ZC4H2: variants seen among roughly 807,000 people sequenced by gnomAD.
The protein encoded by ZC4H2 is zinc finger C4H2-type containing, also known as zinc finger C4H2 domain-containing protein.
For synonymous variants in ZC4H2, 84 were observed against 66.3 expected (o/e 1.27, Z -1.30); for missense variants, 137 against 173.9 (o/e 0.79, Z 1.19).
chrX:64,982,578 T>C lies in ZC4H2; in HGVS notation c.-272+52051A>G, dbSNP rs535335058. Among the ~76,000 whole-genome samples the C allele has an allele frequency of 2.8e-4, 31 of 112,244 alleles. No homozygotes were observed. In the Middle Eastern group the frequency reaches 0.019, roughly 67 times the overall value. On this transcript the variant is annotated intron_variant, in intron 1 of 4. Transcript: ENST00000337990. ...ACAGGAGAGAAGCATGAAAAAACTA[T>C]AAATAAGTTGTCTTGATTTAGGCTT...
At chrX:64,953,968 C>T (rs994432329) in intron 1 of ZC4H2, among the ~76,000 whole-genome samples, 4 of 110,531 alleles carry the variant, frequency 3.6e-5, no homozygotes, top group Middle Eastern at 4.6e-3. Flanking sequence ...CATATATACA[C>T]CGTGGAATAC....
chrX:64,920,064 G>A lies in ZC4H2; in HGVS notation c.398+17C>T, dbSNP rs766799579. 4.5e-5 allele frequency: 54 copies of A among 1,205,481 alleles called. No homozygotes were observed. Among genetic ancestry groups the A allele is most frequent in the Non-Finnish European group, 5.8e-5 (52 of 892,513 alleles). ...GGAGGGAGGGTATGTTGTAGGGACT[G>A]GGGGCAGGTAGCTTACTCCAAGGAA... On this transcript the variant is annotated intron_variant, in intron 3 of 4. Transcript: ENST00000374839.
chrX:64,925,001 T>C (rs1929368288), intron 1 of ZC4H2, among the ~76,000 whole-genome samples: 1 of 111,390 alleles, frequency 9.0e-6, no homozygotes, highest in Admixed American at 9.6e-5. Context: ...AACACAGGAA[T>C]AATAATAGCA....
intron 1 of ZC4H2, among the ~76,000 whole-genome samples, chrX:64,944,187 C>T (rs1219113809): frequency 2.1e-5 from 2 of 97,118 alleles, no homozygotes; most frequent in Non-Finnish European, 4.0e-5. Flanking sequence ...GTTGCCCAGG[C>T]TGGAGTGCAG....
intron 1 of ZC4H2, among the ~76,000 whole-genome samples, chrX:64,944,287 C>A (rs772110012): frequency 1.8e-5 from 2 of 108,632 alleles, no homozygotes; most frequent in African/African-American, 3.4e-5. Context: ...ACTACAGGTG[C>A]CTGCCACCAT....
chrX:64,974,246 A>T (rs1284219135), intron 1 of ZC4H2, among the ~76,000 whole-genome samples: 1 of 111,955 alleles, frequency 8.9e-6, no homozygotes, highest in African/African-American at 3.2e-5. Flanking sequence ...CAGTTCTAAA[A>T]ATGTCACTTT....
chrX:64,976,608 C>G (rs774363131), upstream of ZC4H2: 69 of 423,111 alleles, frequency 1.6e-4, no homozygotes, highest in South Asian at 1.4e-3. Flanking sequence ...GTTTCCCTTC[C>G]TGCAGCCGCA....
intron 1 of ZC4H2, among the ~76,000 whole-genome samples, chrX:64,946,130 G>GA (rs1453245518): frequency 4.6e-5 from 5 of 108,685 alleles, no homozygotes; most frequent in South Asian, 4.0e-4. Context: ...TGGCGTGTGG[G>GA]AAAAAAAACC....
chrX:65,006,250 G>A (rs192212395), intron 1 of ZC4H2, among the ~76,000 whole-genome samples: 225 of 111,279 alleles, frequency 2.0e-3, no homozygotes, highest in African/African-American at 6.8e-3. Context: ...CTATAAAGAC[G>A]CATGCACACG....
At chrX:64,964,878 G>A (rs1931531458) in intron 1 of ZC4H2, among the ~76,000 whole-genome samples, 2 of 111,692 alleles carry the variant, frequency 1.8e-5, no homozygotes, top group Admixed American at 9.5e-5. Flanking sequence ...AGTGTTGTAT[G>A]TTTCTTACAT....
intron 1 of ZC4H2, among the ~76,000 whole-genome samples, chrX:64,963,100 G>GA (rs1013267675): frequency 2.7e-5 from 3 of 110,937 alleles, no homozygotes; most frequent in African/African-American, 6.5e-5. Flanking sequence ...GAGGCCATGG[G>GA]AAAAAACAGA....
chrX:65,010,802 T>C (rs1427171497), intron 1 of ZC4H2, among the ~76,000 whole-genome samples: 1 of 112,314 alleles, frequency 8.9e-6, no homozygotes, highest in Non-Finnish European at 1.9e-5. Flanking sequence ...TAAAACATAA[T>C]TTAAAGCCAA....
chrX:64,983,721 T>C (rs1932125758), intron 1 of ZC4H2, among the ~76,000 whole-genome samples: 1 of 111,829 alleles, frequency 8.9e-6, no homozygotes, highest in Admixed American at 9.5e-5. Flanking sequence ...ATAAACTAGA[T>C]CAAAAAATAA....
chrX:64,950,681 T>A (rs1348908823), intron 1 of ZC4H2, among the ~76,000 whole-genome samples: 2 of 111,253 alleles, frequency 1.8e-5, no homozygotes, highest in Non-Finnish European at 3.8e-5. Context: ...CCCCACCTTT[T>A]TTGTTTTCCA....
intron 1 of ZC4H2, among the ~76,000 whole-genome samples, chrX:65,003,603 C>T (rs1483876518): frequency 2.7e-5 from 3 of 111,233 alleles, no homozygotes; most frequent in Admixed American, 9.5e-5. Flanking sequence ...GGGGGCCAGG[C>T]GTGGTGGCTC....
At chrX:65,013,742 C>A (rs1481642551) in intron 1 of ZC4H2, among the ~76,000 whole-genome samples, 1 of 111,418 alleles carries the variant, frequency 9.0e-6, no homozygotes, top group East Asian at 2.8e-4. Context: ...CTGTGAAAGA[C>A]CCTGAAGCAG....
chrX:64,980,791 TATTA>T (rs1476493751), upstream of ZC4H2, among the ~76,000 whole-genome samples: 1 of 111,288 alleles, frequency 9.0e-6, no homozygotes, highest in Admixed American at 9.6e-5. Context: ...TACTATGTTC[TATTA>T]GTTACCCAAG....
intron 1 of ZC4H2, among the ~76,000 whole-genome samples, chrX:64,950,595 T>A (rs139002011): frequency 9.0e-6 from 1 of 110,846 alleles, no homozygotes; most frequent in Non-Finnish European, 1.9e-5. Flanking sequence ...CCCTTTACCA[T>A]TATGAAATGA....
At chrX:64,927,301 G>GCCC (rs1929470235) in intron 1 of ZC4H2, among the ~76,000 whole-genome samples, 1 of 109,370 alleles carries the variant, frequency 9.1e-6, no homozygotes, top group Non-Finnish European at 1.9e-5. Context: ...ACCCCGACAG[G>GCCC]CCCCAGTGTG....
Sources: gnomAD v4.1 joint callset for allele counts (sites outside exome capture counted in the v4.1 genomes callset) on GRCh38, gnomAD v4.1.1 for gene constraint, MANE v1.5 for transcripts, NCBI Gene and HGNC (gene_info 2026-07-23, HGNC 2026-07-21) for gene names.